RHOBTB3: variants seen among roughly 807,000 people sequenced by gnomAD.
The protein encoded by RHOBTB3 is Rho related BTB domain containing 3.
RHOBTB3 carries 47 observed loss-of-function variants against 67.2 expected under a neutral mutation model. The ratio of observed to expected loss-of-function variants is 0.70; its 90% CI spans 0.55 to 0.89. The LOEUF (loss-of-function observed/expected upper bound fraction) is 0.89. RHOBTB3 is among the 40% of genes least tolerant of loss of function. RHOBTB3 has a pLI of 0.00. For synonymous variants in RHOBTB3, 273 were observed against 274.2 expected (o/e 1.00, Z 0.04); for missense variants, 631 against 750.0 (o/e 0.84, Z 1.85).
intron 8 of RHOBTB3, among the ~76,000 whole-genome samples, chr5:95,772,183 C>CT (rs1459034334): frequency 6.6e-6 from 1 of 152,190 alleles, no homozygotes; most frequent in African/African-American, 2.4e-5. Context: ...TAGGGCACTG[C>CT]TTTTCATAAC....
intron 7 of RHOBTB3, chr5:95,767,813 T>C (rs1396261550): frequency 7.1e-6 from 5 of 703,758 alleles, no homozygotes; most frequent in Non-Finnish European, 1.3e-5. Flanking sequence ...AGTTTTCACT[T>C]AGGCAATTTG....
In RHOBTB3 at chr5:95,731,576, C is replaced by A; in HGVS notation, c.-107C>A. ...GCGGTGGAGGCGCGCGAGGGGGACG[C>A]GGCCGGGGATGAGCGGATTGCGGGT... On this transcript the variant is annotated 5_prime_UTR_variant, in exon 1 of 12. Coordinates refer to ENST00000379982, the MANE Select transcript of RHOBTB3 (RefSeq NM_014899.4). The A allele has an allele frequency of 9.2e-6, 14 of 1,529,548 alleles. No individual in the cohort carries two copies. Among genetic ancestry groups the A allele is most frequent in the Non-Finnish European group, 1.2e-5 (14 of 1,138,142 alleles). 94.7% of individuals were successfully genotyped at this position (1,529,548 alleles called of 1,614,324 possible). A position where few individuals can be genotyped will look rare whatever the true frequency, so the allele number is the denominator to read the frequency against.
At chr5:95,736,466 C>T (rs2112776072) in intron 2 of RHOBTB3, among the ~76,000 whole-genome samples, 1 of 152,312 alleles carries the variant, frequency 6.6e-6, no homozygotes, top group African/African-American at 2.4e-5. Flanking sequence ...GTTCAGAACA[C>T]TGAAAATCCT....
rs950107605 is a variant in RHOBTB3, at chr5:95,793,426, A to G, written c.*252A>G. ...GCTGTTTTGCAGCTGTTTTCCCTTA[A>G]AGATGTCCTGTTGCTTTAGTGATAT... On this transcript the variant is annotated 3_prime_UTR_variant, in exon 12 of 12. Transcript: ENST00000379982. 2.3e-5 allele frequency: 7 copies of G among 308,072 alleles called. No homozygotes were observed. The highest frequency in any genetic ancestry group is 8.7e-4 in the Middle Eastern group (1 of 1,148). The allele number at this position is 308,072 out of a possible 1,614,324, so 19.1% of individuals were successfully genotyped here. A position where few individuals can be genotyped will look rare whatever the true frequency, so the allele number is the denominator to read the frequency against.
intron 9 of RHOBTB3, among the ~76,000 whole-genome samples, 198 bp downstream of exon 9, chr5:95,780,623 C>T (rs1310374179): frequency 6.6e-6 from 1 of 152,162 alleles, no homozygotes; most frequent in African/African-American, 2.4e-5. Context: ...TGATTGGGTG[C>T]CTTTTATGGG....
chr5:95,787,777 A>T (rs1746265625), intron 10 of RHOBTB3, among the ~76,000 whole-genome samples: 1 of 152,270 alleles, frequency 6.6e-6, no homozygotes, highest in African/African-American at 2.4e-5. Flanking sequence ...AATTTCACTT[A>T]TATGAGGTAC....
chr5:95,773,004 G>A (rs1434377719), intron 8 of RHOBTB3, among the ~76,000 whole-genome samples: 1 of 152,184 alleles, frequency 6.6e-6, no homozygotes, highest in African/African-American at 2.4e-5. Flanking sequence ...CTCTTTTGCT[G>A]TGTTATAAAA....
chr5:95,770,500 CA>C (rs779846222), intron 8 of RHOBTB3: 3 of 330,898 alleles, frequency 9.1e-6, no homozygotes, highest in Non-Finnish European at 1.9e-5. Context: ...CAGCGTTCCT[CA>C]GAAGTTGGTT....
Position 95,744,143 on chromosome 5 carries a change from TCA to T in RHOBTB3, c.416-4187_416-4186del, listed in dbSNP as rs1469642744. Reference sequence around the variant, plus strand: ...TCTGTGATTTGGCAGGGAGGGGAGATCACAGTGTGGGCTTAGCTTTCCATCTT... The same window carrying T: ...TCTGTGATTTGGCAGGGAGGGGAGATCAGTGTGGGCTTAGCTTTCCATCTT... On this transcript the variant is annotated intron_variant, in intron 3 of 11. Transcript: ENST00000379982. Among the ~76,000 whole-genome samples, 4 of 151,954 alleles carry T rather than the reference TCA, an allele frequency of 2.6e-5. No homozygotes were observed. In the East Asian group the frequency reaches 7.7e-4, roughly 29 times the overall value.
intron 1 of RHOBTB3, 78 bp from the exon 2 acceptor site, chr5:95,731,781 C>G (rs966306588): frequency 6.2e-7 from 1 of 1,603,526 alleles, no homozygotes; most frequent in Non-Finnish European, 8.5e-7. Context: ...CGCGCTGTCC[C>G]CCGCACTTCC....
chr5:95,732,462 T>G, intron 2 of RHOBTB3: 1 of 403,766 alleles, frequency 2.5e-6, no homozygotes, highest in Non-Finnish European at 4.4e-6. Context: ...GTAATATTGG[T>G]GTTCTAAAAA....
At chr5:95,741,526 T>TC (rs1755599256) in intron 3 of RHOBTB3, among the ~76,000 whole-genome samples, 1 of 131,742 alleles carries the variant, frequency 7.6e-6, no homozygotes, top group East Asian at 2.2e-4. Context: ...TCTTTCTGTT[T>TC]TTTTTTTTTT....
At chr5:95,769,906 T>C in intron 8 of RHOBTB3, 1 of 355,436 alleles carries the variant, frequency 2.8e-6, no homozygotes, top group Non-Finnish European at 5.4e-6. Context: ...TTGAATAGGC[T>C]AAAAGCTGGT....
chr5:95,778,413 T>TC (rs1305877138), intron 8 of RHOBTB3, among the ~76,000 whole-genome samples: 4 of 152,022 alleles, frequency 2.6e-5, no homozygotes, highest in African/African-American at 7.3e-5. Flanking sequence ...TTTTTTTTTT[T>TC]CTGAATATTT....
intron 2 of RHOBTB3, among the ~76,000 whole-genome samples, chr5:95,733,397 TA>T (rs1755360511): frequency 6.6e-6 from 1 of 152,226 alleles, no homozygotes; most frequent in Non-Finnish European, 1.5e-5. Flanking sequence ...AATAAATGTT[TA>T]GCGAATCGAG....
chr5:95,748,246 C>G, intron 3 of RHOBTB3, 87 bp from the exon 4 acceptor site: 1 of 974,490 alleles, frequency 1.0e-6, no homozygotes, highest in Middle Eastern at 2.5e-4. Flanking sequence ...AGTATGAGCT[C>G]TTTGTTGTTT....
intron 5 of RHOBTB3, among the ~76,000 whole-genome samples, chr5:95,753,048 C>T (rs987819430): frequency 3.3e-5 from 5 of 152,036 alleles, no homozygotes; most frequent in African/African-American, 7.3e-5. Flanking sequence ...AGGAGAATGA[C>T]GTGAACCCAG....
At chr5:95,772,771 T>G (rs192431783) in intron 8 of RHOBTB3, among the ~76,000 whole-genome samples, 16 of 152,334 alleles carry the variant, frequency 1.1e-4, no homozygotes, top group Admixed American at 5.2e-4. Flanking sequence ...GGTAGTAAGA[T>G]TAATCATCCT....
intron 8 of RHOBTB3, among the ~76,000 whole-genome samples, chr5:95,776,925 C>T (rs760482325): frequency 2.0e-5 from 3 of 152,182 alleles, no homozygotes; most frequent in South Asian, 2.1e-4. Context: ...GCTGAACCCA[C>T]GTTCGCAGTC....
Sources: allele counts gnomAD v4.1 joint callset (sites outside exome capture counted in the v4.1 genomes callset), GRCh38; gene constraint gnomAD v4.1.1; transcripts MANE v1.5; gene names NCBI Gene and HGNC (gene_info 2026-07-23, HGNC 2026-07-21).